The following ADGRV1 variants were observed in gnomAD, a reference collection of about 807,000 sequenced individuals.
The protein encoded by ADGRV1 is adhesion G protein-coupled receptor V1, also known as G-protein coupled receptor 98.
Under a neutral mutation model 596.2 loss-of-function variants are expected in ADGRV1, and 359 were observed. The ratio of observed to expected loss-of-function variants is 0.60; its 90% CI spans 0.55 to 0.66. The LOEUF is 0.66. ADGRV1 is among the 30% of genes least tolerant of loss of function. The probability of loss-of-function intolerance (pLI) is 0.00; values close to 1 mark genes in which losing one functional copy is unlikely to be tolerated. For missense variants in ADGRV1, 7,274 were observed against 7,575.6 expected (o/e 0.96, Z 1.48); for synonymous variants, 2,681 against 2,679.2 (o/e 1.00, Z -0.02).
At chr5:91,137,961 A>G (rs1794778755) in intron 87 of ADGRV1, among the ~76,000 whole-genome samples, 2 of 152,252 alleles carry the variant, frequency 1.3e-5, no homozygotes, top group Non-Finnish European at 2.9e-5. Flanking sequence ...TGCTGTATCA[A>G]ATAGGATGGC....
intron 76 of ADGRV1, among the ~76,000 whole-genome samples, chr5:90,826,724 C>G (rs529386302): frequency 6.6e-6 from 1 of 152,280 alleles, no homozygotes; most frequent in South Asian, 2.1e-4. Context: ...ATTGCAGACA[C>G]AACAAATGCA....
chr5:90,798,203 G>GAAGAATCA (rs1258148779), intron 70 of ADGRV1, among the ~76,000 whole-genome samples: 2 of 152,024 alleles, frequency 1.3e-5, no homozygotes, highest in African/African-American at 4.8e-5. Flanking sequence ...AGAAAAGAGA[G>GAAGAATCA]AAGAATCAAA....
chr5:90,790,444 G>A (rs1394380874), intron 69 of ADGRV1, among the ~76,000 whole-genome samples: 2 of 152,112 alleles, frequency 1.3e-5, no homozygotes, highest in Non-Finnish European at 2.9e-5. Context: ...GCAATTCTTG[G>A]AAAATAATGA....
chr5:91,106,031 C>A (rs1195226116), intron 87 of ADGRV1, among the ~76,000 whole-genome samples: 1 of 151,148 alleles, frequency 6.6e-6, no homozygotes, highest in Non-Finnish European at 1.5e-5. Flanking sequence ...AAATATGAAT[C>A]TATTTATAAA....
intron 83 of ADGRV1, among the ~76,000 whole-genome samples, chr5:90,895,233 A>G (rs775230932): frequency 1.3e-5 from 2 of 152,168 alleles, no homozygotes; most frequent in Non-Finnish European, 2.9e-5. Flanking sequence ...GTAAACAAAA[A>G]AGGACACAGT....
chr5:90,787,993 TA>T, intron 67 of ADGRV1, 77 bp from the exon 68 acceptor site: 1 of 1,011,668 alleles, frequency 9.9e-7, no homozygotes, highest in African/African-American at 1.6e-5. Flanking sequence ...ATTTTCTTAA[TA>T]CTAGATACCC....
chr5:90,882,851 T>G (rs1214741875), intron 83 of ADGRV1, among the ~76,000 whole-genome samples: 1 of 151,804 alleles, frequency 6.6e-6, no homozygotes, highest in African/African-American at 2.4e-5. Flanking sequence ...ATGAACGTAA[T>G]TGTGATTTCA....
intron 85 of ADGRV1, among the ~76,000 whole-genome samples, chr5:90,992,414 TC>T (rs1409861268): frequency 1.3e-5 from 2 of 152,174 alleles, no homozygotes; most frequent in Non-Finnish European, 2.9e-5. Context: ...CTGAGAAAAA[TC>T]CAACTAATGT....
intron 86 of ADGRV1, among the ~76,000 whole-genome samples, chr5:91,097,697 C>T (rs75164878): frequency 6.6e-6 from 1 of 152,230 alleles, no homozygotes; most frequent in African/African-American, 2.4e-5. Flanking sequence ...ATCAGGCATG[C>T]ACAAGGGTTC....
chr5:90,959,065 A>G (rs1777748054), intron 83 of ADGRV1, among the ~76,000 whole-genome samples: 1 of 152,208 alleles, frequency 6.6e-6, no homozygotes, highest in Non-Finnish European at 1.5e-5. Context: ...AACCCTATTT[A>G]TATAGAGATG....
chr5:90,770,799 C>G (rs1164600164), intron 59 of ADGRV1, among the ~76,000 whole-genome samples: 1 of 152,172 alleles, frequency 6.6e-6, no homozygotes, highest in Non-Finnish European at 1.5e-5. Context: ...TATATTCCTA[C>G]TTCCCAGAGG....
chr5:91,146,999 A>G (rs1466929953), intron 87 of ADGRV1, among the ~76,000 whole-genome samples: 1 of 151,952 alleles, frequency 6.6e-6, no homozygotes, highest in Non-Finnish European at 1.5e-5. Context: ...CCATCTGTAC[A>G]AAAAATAAAA....
At chr5:90,739,115 T>C (rs997408946) in intron 50 of ADGRV1, among the ~76,000 whole-genome samples, 2 of 152,066 alleles carry the variant, frequency 1.3e-5, no homozygotes, top group Non-Finnish European at 2.9e-5. Context: ...GAATAGTCAT[T>C]GTATTCCTTA....
intron 75 of ADGRV1, chr5:90,822,244 A>T (rs1040896704): frequency 6.5e-6 from 1 of 153,814 alleles, no homozygotes. Context: ...TGCGCTTCCC[A>T]AGTGAGGCAA....
intron 11 of ADGRV1, 74 bp downstream of exon 11, chr5:90,638,022 A>C: frequency 2.0e-6 from 2 of 1,001,864 alleles, no homozygotes; most frequent in Non-Finnish European, 1.4e-6. Flanking sequence ...TTTTTTTTTT[A>C]CTCTTTTTTT....
intron 25 of ADGRV1, among the ~76,000 whole-genome samples, chr5:90,678,341 T>C (rs1039765669): frequency 2.0e-5 from 3 of 152,156 alleles, no homozygotes; most frequent in African/African-American, 7.2e-5. Flanking sequence ...TCTTCTTTGT[T>C]TGCAAACATT....
At chr5:91,029,831 A>C (rs1784331450) in intron 85 of ADGRV1, among the ~76,000 whole-genome samples, 1 of 152,078 alleles carries the variant, frequency 6.6e-6, no homozygotes, top group African/African-American at 2.4e-5. Flanking sequence ...AGTCATATTA[A>C]CCAATATTTT....
intron 83 of ADGRV1, among the ~76,000 whole-genome samples, chr5:90,911,712 C>A: frequency 6.6e-6 from 1 of 152,224 alleles, no homozygotes; most frequent in East Asian, 1.9e-4. Context: ...TTGTATCCCT[C>A]CTTTTCTTTA....
intron 84 of ADGRV1, among the ~76,000 whole-genome samples, chr5:90,974,264 G>A (rs1036294165): frequency 4.0e-5 from 6 of 150,562 alleles, no homozygotes; most frequent in Admixed American, 6.6e-5. Context: ...TGTAAAAATG[G>A]CCATACTGCC....
Sources: allele counts gnomAD v4.1 joint callset (sites outside exome capture counted in the v4.1 genomes callset), GRCh38; gene constraint gnomAD v4.1.1; transcripts MANE v1.5; gene names NCBI Gene and HGNC (gene_info 2026-07-23, HGNC 2026-07-21).